The following PARD3B variants were observed in gnomAD, a reference collection of about 807,000 sequenced individuals.
PARD3B encodes partitioning defective 3 homolog B.
A neutral mutation model predicts 130.2 loss-of-function variants in PARD3B; 103 were observed. The observed-to-expected ratio is 0.79, with a 90% CI of 0.67 to 0.93. The LOEUF (loss-of-function observed/expected upper bound fraction) is 0.93, where lower values mean the gene tolerates loss of function less well. PARD3B is among the 40% of genes least tolerant of loss of function. The pLI is 0.00. For synonymous variants in PARD3B, 583 were observed against 553.2 expected, an observed-to-expected ratio of 1.05 and a Z score of -0.76; for missense variants, 1,609 against 1,499.2, an observed-to-expected ratio of 1.07 and a Z score of -1.21.
intron 2 of PARD3B, among the ~76,000 whole-genome samples, chr2:204,910,389 G>A (rs996873502): frequency 1.3e-5 from 2 of 152,100 alleles, no homozygotes. Flanking sequence ...AGTTTGGGAA[G>A]CAGAAAGTTG....
intron 2 of PARD3B, among the ~76,000 whole-genome samples, chr2:204,956,515 C>G (rs560521263): frequency 7.0e-6 from 1 of 142,596 alleles, no homozygotes; most frequent in African/African-American, 2.7e-5. Context: ...AGAAAAACTA[C>G]TTGTGTGTGT....
intron 1 of PARD3B, among the ~76,000 whole-genome samples, chr2:204,548,548 G>A (rs918560621): frequency 6.6e-6 from 1 of 152,178 alleles, no homozygotes; most frequent in African/African-American, 2.4e-5. Flanking sequence ...GCCATTAACT[G>A]CATAGCCTAG....
At chr2:205,080,018 T>C (rs1701308212) in intron 4 of PARD3B, among the ~76,000 whole-genome samples, 1 of 152,162 alleles carries the variant, frequency 6.6e-6, no homozygotes, top group Non-Finnish European at 1.5e-5. Context: ...TCTGTGTACA[T>C]TTAAACTAGT....
At chr2:205,513,874 A>G (rs2050687428) in intron 21 of PARD3B, among the ~76,000 whole-genome samples, 5 of 152,130 alleles carry the variant, frequency 3.3e-5, no homozygotes, top group Admixed American at 3.3e-4. Flanking sequence ...GGAAAGAGAG[A>G]CTAACCAAGA....
intron 1 of PARD3B, among the ~76,000 whole-genome samples, chr2:204,644,778 T>C (rs1043783608): frequency 1.6e-4 from 25 of 152,278 alleles, no homozygotes; most frequent in Admixed American, 1.6e-3. Flanking sequence ...GTACATGATA[T>C]CATGATTTAT....
rs532406110 is a variant in PARD3B at position 205,553,418 on chromosome 2, G to A, written c.3260+15G>A. On this transcript the variant is annotated intron_variant, in intron 22 of 22. Coordinates refer to ENST00000406610, the MANE Select transcript of PARD3B (RefSeq NM_001302769.2). Reference sequence around the variant, plus strand: ...TCCTTACCCAGGTAGATCACGGAGAGGTCTCCCATCTCCAGCTCACCTACA... The same window carrying A: ...TCCTTACCCAGGTAGATCACGGAGAAGTCTCCCATCTCCAGCTCACCTACA... The A allele has an allele frequency of 6.2e-7, 1 of 1,608,534 alleles. No homozygotes were observed. The highest frequency in any genetic ancestry group is 8.5e-7 in the Non-Finnish European group (1 of 1,175,170).
intron 1 of PARD3B, among the ~76,000 whole-genome samples, chr2:204,571,903 C>T (rs905996729): frequency 4.6e-5 from 7 of 152,052 alleles, no homozygotes; most frequent in African/African-American, 7.2e-5. Context: ...TTATTATTGC[C>T]GTGGCTACAT....
chr2:204,779,533 A>G (rs16836621), intron 2 of PARD3B, among the ~76,000 whole-genome samples: 4,285 of 152,316 alleles, frequency 0.028, 197 homozygotes, highest in African/African-American at 0.098. Context: ...GAAACATGGA[A>G]CATTCTGATG....
rs576342816 is a variant in PARD3B at position 205,318,530 on chromosome 2, T to C, written c.2630+16829T>C. Reference sequence around the variant, plus strand: ...ACCAGAATATTTGTCCTGTGTATCCTACCTTTTCATTTTAATTTTACTTTG... The same window carrying C: ...ACCAGAATATTTGTCCTGTGTATCCCACCTTTTCATTTTAATTTTACTTTG... On this transcript the variant is annotated intron_variant, in intron 18 of 22. Coordinates refer to ENST00000406610, the MANE Select transcript of PARD3B (RefSeq NM_001302769.2). Among the ~76,000 whole-genome samples the C allele has an allele frequency of 1.1e-4, 17 of 152,318 alleles. No homozygotes were observed. In the South Asian group the frequency reaches 3.3e-3, roughly 30 times the overall value.
At chr2:205,222,369 A>G (rs980945869) in intron 15 of PARD3B, among the ~76,000 whole-genome samples, 10 of 152,162 alleles carry the variant, frequency 6.6e-5, no homozygotes, top group African/African-American at 1.9e-4. Flanking sequence ...CTGCTGTTCC[A>G]CGTACAAACT....
At chr2:204,759,316 A>T (rs1183047904) in intron 2 of PARD3B, among the ~76,000 whole-genome samples, 1 of 152,172 alleles carries the variant, frequency 6.6e-6, no homozygotes, top group Non-Finnish European at 1.5e-5. Flanking sequence ...AACTTTTCAA[A>T]TAAGTATAAA....
intron 3 of PARD3B, among the ~76,000 whole-genome samples, chr2:205,003,734 A>G (rs767997679): frequency 3.9e-5 from 6 of 152,240 alleles, no homozygotes; most frequent in Non-Finnish European, 8.8e-5. Context: ...TTGTATCACC[A>G]GCACCTTGAA....
intron 18 of PARD3B, among the ~76,000 whole-genome samples, chr2:205,375,459 G>A (rs1485691596): frequency 1.3e-5 from 2 of 152,162 alleles, no homozygotes; most frequent in Non-Finnish European, 2.9e-5. Context: ...AGAGGCAATA[G>A]GGAGCCGACA....
chr2:204,796,372 T>C (rs964320681), intron 2 of PARD3B, among the ~76,000 whole-genome samples: 1 of 152,230 alleles, frequency 6.6e-6, no homozygotes, highest in Non-Finnish European at 1.5e-5. Context: ...GAAAAGAACA[T>C]TGATCTCACT....
chr2:205,540,691 C>A (rs1219426744), intron 21 of PARD3B, among the ~76,000 whole-genome samples: 1 of 152,148 alleles, frequency 6.6e-6, no homozygotes, highest in Non-Finnish European at 1.5e-5. Flanking sequence ...CAGAAACTTC[C>A]TCTATTAGTG....
intron 10 of PARD3B, among the ~76,000 whole-genome samples, chr2:205,133,867 T>C (rs1055445312): frequency 3.9e-5 from 6 of 152,214 alleles, no homozygotes; most frequent in Non-Finnish European, 5.9e-5. Flanking sequence ...CTCAAAATTT[T>C]TTATGTGCCA....
intron 2 of PARD3B, among the ~76,000 whole-genome samples, chr2:204,696,505 C>T (rs1175226038): frequency 6.6e-6 from 1 of 152,146 alleles, no homozygotes; most frequent in South Asian, 2.1e-4. Context: ...GTGAATCCAA[C>T]AAGACGTTTT....
intron 15 of PARD3B, among the ~76,000 whole-genome samples, chr2:205,224,124 C>T (rs2038392434): frequency 6.7e-6 from 1 of 148,796 alleles, no homozygotes; most frequent in Non-Finnish European, 1.5e-5. Flanking sequence ...AATCCCAGCA[C>T]TTTGGGAGGC....
intron 1 of PARD3B, among the ~76,000 whole-genome samples, chr2:204,684,105 G>A (rs2036965628): frequency 6.6e-6 from 1 of 152,050 alleles, no homozygotes; most frequent in African/African-American, 2.4e-5. Context: ...GGACTCTTTG[G>A]TTTTCTTCTC....
Sources: allele counts gnomAD v4.1 joint callset (sites outside exome capture counted in the v4.1 genomes callset), GRCh38; gene constraint gnomAD v4.1.1; transcripts MANE v1.5; gene names NCBI Gene and HGNC (gene_info 2026-07-23, HGNC 2026-07-21).